POGZ: variants seen among roughly 807,000 people sequenced by gnomAD.
The protein encoded by POGZ is pogo transposable element with ZNF domain.
POGZ carries 17 observed loss-of-function variants against 134.6 expected under a neutral mutation model. The ratio of observed to expected loss-of-function variants is 0.13; its 90% CI spans 0.09 to 0.19. The LOEUF (loss-of-function observed/expected upper bound fraction) is 0.19. POGZ is among the 10% of genes least tolerant of loss of function. The probability of loss-of-function intolerance (pLI) is 1.00; values close to 1 mark genes in which losing one functional copy is unlikely to be tolerated. For missense variants in POGZ, 1,306 were observed against 1,769.7 expected (o/e 0.74, Z 4.70); for synonymous variants, 693 against 657.1 (o/e 1.05, Z -0.84).
chr1:151,428,091 T>C, intron 6 of POGZ, 32 bp downstream of exon 6: 1 of 1,613,412 alleles, frequency 6.2e-7, no homozygotes, highest in Non-Finnish European at 8.5e-7. Context: ...CATCCCAACC[T>C]GGCTCTGCCA....
rs539582563 is a variant in POGZ at position 151,432,164 on chromosome 1, G to A, written c.284-1323C>T. ...AGCCTGGGCGACAGAGCAAGGCTCT[G>A]TCTCAAAACAACAACAACAGCAACA... On this transcript the variant is annotated intron_variant, in intron 3 of 18. Coordinates refer to ENST00000271715, the MANE Select transcript of POGZ (RefSeq NM_015100.4). Among the ~76,000 whole-genome samples the A allele has an allele frequency of 8.6e-4, 131 of 152,174 alleles. 1 individual carries two copies. The highest frequency in any genetic ancestry group is 3.0e-3 in the African/African-American group (125 of 41,534).
chr1:151,438,917 A>G (rs1226265364), intron 3 of POGZ: 1 of 152,220 alleles, frequency 6.6e-6, no homozygotes, highest in African/African-American at 2.4e-5. Flanking sequence ...CCATCTCAGT[A>G]TGGGCCTTGG....
At chr1:151,437,271 G>T (rs1557929141) in intron 3 of POGZ, among the ~76,000 whole-genome samples, 2 of 148,972 alleles carry the variant, frequency 1.3e-5, no homozygotes, top group African/African-American at 4.9e-5. Flanking sequence ...CTCCGTGTGT[G>T]TTTTTTTTTA....
intron 1 of POGZ, among the ~76,000 whole-genome samples, chr1:151,457,285 T>C (rs1022174080): frequency 4.6e-5 from 7 of 152,200 alleles, no homozygotes; most frequent in African/African-American, 1.4e-4. Flanking sequence ...AGGTGTCACT[T>C]GTTTCAACAT....
chr1:151,405,191 C>T lies in POGZ; in HGVS notation c.3844G>A (p.Glu1282Lys). 6.2e-7 allele frequency: 1 copy of T among 1,614,182 alleles called. No individual in the cohort carries two copies. Among genetic ancestry groups the T allele is most frequent in the Non-Finnish European group, 8.5e-7 (1 of 1,180,002 alleles). ...GTATCTGCCATTTCCCGAGCCTGTT[C>T]CTTCCATTTTTTATGCAGGAAGTTC... ...VKNFLHKKWK[E>K]QAREMADTAC... The change falls in exon 19 of 19, where the codon GAA (glutamate) becomes AAA (lysine). Residue 1282 changes from glutamate (E) to lysine (K), a missense_variant. Physicochemically the swap from Glu to Lys is moderately conservative, Grantham distance 56. Transcript: ENST00000271715. The surrounding 1 kb of genome is among the most constrained non-coding windows in gnomAD (Gnocchi z 4.9).
chr1:151,408,331 A>G (rs1302305256), intron 14 of POGZ, 78 bp downstream of exon 14: 1 of 1,562,434 alleles, frequency 6.4e-7, no homozygotes, highest in Non-Finnish European at 8.7e-7. Flanking sequence ...CTAAAAAGCT[A>G]CCAGATTGCA....
chr1:151,416,407 C>T (rs981450148), intron 10 of POGZ, among the ~76,000 whole-genome samples: 1 of 151,818 alleles, frequency 6.6e-6, no homozygotes, highest in African/African-American at 2.4e-5. Context: ...AAGGATGAGG[C>T]AGGAGAACTG....
At position 151,412,288 on chromosome 1, in the gene POGZ, G is replaced by C; in HGVS notation, c.1779+8C>G. ...ACTGCTAAAACTCCCTGGAGAAAAA[G>C]GCAATACCTGGCAAACATAAGGCAT... On this transcript the variant is annotated splice_region_variant and intron_variant, in intron 11 of 18. Transcript: ENST00000271715. 3.4e-6 allele frequency: 5 copies of C among 1,489,640 alleles called. No homozygotes were observed. Among genetic ancestry groups the C allele is most frequent in the Non-Finnish European group, 4.7e-6 (5 of 1,074,042 alleles). 92.3% of individuals were successfully genotyped at this position (1,489,640 alleles called of 1,614,324 possible).
chr1:151,450,870 AG>A (rs2102414250), intron 1 of POGZ: 1 of 151,612 alleles, frequency 6.6e-6, no homozygotes, highest in Admixed American at 6.5e-5. Context: ...GTATCTCAAA[AG>A]CCAAAGGTTA....
intron 5 of POGZ, among the ~76,000 whole-genome samples, chr1:151,428,913 A>T (rs959011877): frequency 3.9e-5 from 6 of 152,216 alleles, no homozygotes; most frequent in Non-Finnish European, 7.3e-5. Context: ...TGAGAAAAAT[A>T]AAGAAATGCC....
At chr1:151,458,211 A>G (rs983960593) in intron 1 of POGZ, among the ~76,000 whole-genome samples, 2 of 152,144 alleles carry the variant, frequency 1.3e-5, no homozygotes, top group Admixed American at 1.3e-4. Flanking sequence ...TAAGAACAAC[A>G]CGCAGAAAGA....
chr1:151,411,704 G>C lies in POGZ; in HGVS notation c.1847C>G (p.Thr616Ser), dbSNP rs1277206042. Residue 616 changes from threonine to serine, a missense_variant, in exon 12 of 19, where the codon ACC becomes AGC. By Grantham distance (58) the Thr-to-Ser change is moderately conservative. Coordinates refer to ENST00000271715, the MANE Select transcript of POGZ (RefSeq NM_015100.4). ...DVHFRMIHEDTRHLLCPYCLK... is the reference protein window; with the variant it reads ...DVHFRMIHEDSRHLLCPYCLK... The stretch of plus-strand genomic sequence containing the variant: ...GCAATAAGGGCAGAGCAGATGCCGG[G>C]TATCCTCATGGATCATCCGAAAATG... 1 of 1,613,282 alleles carries C rather than the reference G, an allele frequency of 6.2e-7. No individual in the cohort carries two copies. The highest frequency in any genetic ancestry group is 1.1e-5 in the South Asian group (1 of 91,044).
At chr1:151,440,805 T>C (rs1275461199) in intron 3 of POGZ, 123 bp downstream of exon 3, 1 of 739,230 alleles carries the variant, frequency 1.4e-6, no homozygotes, top group Non-Finnish European at 2.2e-6. Flanking sequence ...CATTACTAAA[T>C]TCATTTTCCA....
At position 151,405,154 on chromosome 1, in the gene POGZ, G is replaced by A; in HGVS notation, c.3881C>T (p.Ser1294Phe). The A allele has an allele frequency of 6.2e-7, 1 of 1,614,190 alleles. No individual in the cohort carries two copies. Residue 1294 changes from serine (S) to phenylalanine (F), a missense_variant, in exon 19 of 19, where the codon TCT becomes TTT. By Grantham distance (155) the Ser-to-Phe change is radical. Transcript: ENST00000271715. The surrounding 1 kb of genome is among the most constrained non-coding windows in gnomAD (Gnocchi z 4.9). ...AREMADTACD[S>F]DVLLQLVLVW... Reference sequence around the variant, plus strand: ...AAGCACCAGCTGAAGCAGGACATCAGAATCACATGCAGTATCTGCCATTTC... The same window carrying A: ...AAGCACCAGCTGAAGCAGGACATCAAAATCACATGCAGTATCTGCCATTTC...
At chr1:151,442,425 A>G in intron 1 of POGZ, 1 of 368,110 alleles carries the variant, frequency 2.7e-6, no homozygotes, top group Non-Finnish European at 4.9e-6. Context: ...AATTAGGGTT[A>G]CAGGCCGGGC....
intron 9 of POGZ, 36 bp downstream of exon 9, chr1:151,423,913 T>A: frequency 6.7e-7 from 1 of 1,487,610 alleles, no homozygotes; most frequent in Non-Finnish European, 9.2e-7. Context: ...AGTCTTCTCT[T>A]GTTCAAGGTA....
At chr1:151,419,263 G>T (rs1260102902) in intron 10 of POGZ, among the ~76,000 whole-genome samples, 1 of 152,000 alleles carries the variant, frequency 6.6e-6, no homozygotes, top group East Asian at 1.9e-4. Context: ...TTGGGAGACT[G>T]AGGCACAATA....
chr1:151,445,379 G>A (rs1162630708), intron 1 of POGZ, among the ~76,000 whole-genome samples: 4 of 151,724 alleles, frequency 2.6e-5, no homozygotes, highest in East Asian at 3.9e-4. Flanking sequence ...AAAATTAGCC[G>A]GACATGGTGG....
chr1:151,442,670 C>A (rs1028943232), intron 1 of POGZ, among the ~76,000 whole-genome samples: 1 of 132,928 alleles, frequency 7.5e-6, no homozygotes, highest in African/African-American at 3.0e-5. Context: ...AAGATCACAA[C>A]ACTGCACTCC....
Sources: gnomAD v4.1 joint callset for allele counts (sites outside exome capture counted in the v4.1 genomes callset) on GRCh38, gnomAD v4.1.1 for gene constraint, Gnocchi (gnomAD v3.1) non-coding constraint, MANE v1.5 for transcripts, NCBI Gene and HGNC (gene_info 2026-07-23, HGNC 2026-07-21) for gene names.